The following OPCML variants were observed in gnomAD, a reference collection of about 807,000 sequenced individuals.
OPCML encodes the protein opioid-binding protein/cell adhesion molecule.
In OPCML, 13 loss-of-function variants were observed where a neutral mutation model predicts 37.8. The observed-to-expected ratio is 0.34, with a 90% CI of 0.22 to 0.55. The LOEUF (loss-of-function observed/expected upper bound fraction) is 0.55. Ranked by LOEUF, OPCML falls within the 20% of genes least tolerant of loss-of-function variation. The pLI, the probability that OPCML is intolerant of heterozygous loss-of-function variation, is 0.91. For synonymous variants in OPCML, 176 were observed against 168.8 expected, an observed-to-expected ratio of 1.04 and a Z score of -0.33; for missense variants, 341 against 435.6, an observed-to-expected ratio of 0.78 and a Z score of 1.93.
At chr11:132,715,711 C>T (rs1944447965) in intron 2 of OPCML, among the ~76,000 whole-genome samples, 1 of 152,150 alleles carries the variant, frequency 6.6e-6, no homozygotes, top group African/African-American at 2.4e-5. Context: ...CACTAGCACC[C>T]TGGTTTTGGA....
chr11:132,838,525 GAACT>G (rs1309903575), intron 2 of OPCML, among the ~76,000 whole-genome samples: 1 of 152,194 alleles, frequency 6.6e-6, no homozygotes, highest in African/African-American at 2.4e-5. Flanking sequence ...GTTGGAGACA[GAACT>G]AACAGTTGTG....
chr11:132,865,459 C>T (rs1303581937), intron 2 of OPCML, among the ~76,000 whole-genome samples: 1 of 152,168 alleles, frequency 6.6e-6, no homozygotes, highest in Non-Finnish European at 1.5e-5. Context: ...CTCAGCCCAA[C>T]AGAGGAAACA....
chr11:133,358,730 C>A (rs1944347232), intron 1 of OPCML, among the ~76,000 whole-genome samples: 1 of 152,124 alleles, frequency 6.6e-6, no homozygotes. Context: ...GGCTGACGGG[C>A]AGTGCTATTT....
At chr11:132,942,871 C>T in intron 2 of OPCML, 55 bp downstream of exon 2, 1 of 1,605,888 alleles carries the variant, frequency 6.2e-7, no homozygotes, top group Non-Finnish European at 8.5e-7. Flanking sequence ...CTTCCCTCCT[C>T]TCCCCAGCGA....
chr11:132,541,685 G>A (rs747884106), intron 3 of OPCML, among the ~76,000 whole-genome samples: 1 of 152,090 alleles, frequency 6.6e-6, no homozygotes, highest in Non-Finnish European at 1.5e-5. Context: ...AGCAGAGAGG[G>A]GTTAAATAAC....
At chr11:133,055,333 C>T (rs1036845124) in intron 1 of OPCML, among the ~76,000 whole-genome samples, 5 of 150,708 alleles carry the variant, frequency 3.3e-5, no homozygotes, top group African/African-American at 1.2e-4. Flanking sequence ...AGTGAGACTC[C>T]ATGAGGGAGC....
At chr11:132,941,988 G>T (rs1176381942) in intron 2 of OPCML, among the ~76,000 whole-genome samples, 1 of 152,146 alleles carries the variant, frequency 6.6e-6, no homozygotes, top group Non-Finnish European at 1.5e-5. Context: ...ATGTTTTATT[G>T]TCACCATAAC....
At position 133,177,850 on chromosome 11, in the gene OPCML, A is replaced by G. The variant is rs1303393936; in HGVS notation, c.62-234840T>C. Among the ~76,000 whole-genome samples the G allele has an allele frequency of 6.6e-6, 1 of 151,786 alleles. No individual in the cohort carries two copies. Among genetic ancestry groups the G allele is most frequent in the Non-Finnish European group, 1.5e-5 (1 of 67,698 alleles). The stretch of plus-strand genomic sequence containing the variant: ...TCAAGATCACTTACTGCAGACTTTC[A>G]TTTACTTCATGAGGAAGAAAGAGAG... On this transcript the variant is annotated intron_variant, in intron 1 of 7. Transcript: ENST00000524381. The surrounding 1 kb of genome is among the most constrained non-coding windows in gnomAD (Gnocchi z 5.0).
intron 2 of OPCML, among the ~76,000 whole-genome samples, chr11:132,816,162 G>A (rs186693967): frequency 3.9e-5 from 6 of 152,308 alleles, no homozygotes; most frequent in African/African-American, 7.2e-5. Flanking sequence ...GAAAAATCAC[G>A]TAGGATGATA....
intron 1 of OPCML, among the ~76,000 whole-genome samples, chr11:133,166,014 T>C (rs1322449663): frequency 6.6e-6 from 1 of 152,246 alleles, no homozygotes; most frequent in Non-Finnish European, 1.5e-5. Flanking sequence ...CTATTCTGTG[T>C]CAACTACTAT....
At chr11:133,517,679 G>A (rs79545152) in intron 1 of OPCML, among the ~76,000 whole-genome samples, 1,546 of 152,324 alleles carry the variant, frequency 0.01, 29 homozygotes, top group African/African-American at 0.035. Context: ...CAAAGCCATC[G>A]GTGCCAGGGT....
rs76064040 is a variant in OPCML at position 132,768,359 on chromosome 11, T to C, written c.147-111040A>G. On this transcript the variant is annotated intron_variant, in intron 2 of 7. Transcript: ENST00000524381. Reference sequence around the variant, plus strand: ...CTCTACATGACACTATCAACTGATATGCAGTAGGACATGGAGTGATTCATT... The same window carrying C: ...CTCTACATGACACTATCAACTGATACGCAGTAGGACATGGAGTGATTCATT... 8.7e-4 allele frequency among the ~76,000 whole-genome samples: 132 copies of C among 152,290 alleles called. No individual in the cohort carries two copies. The East Asian group carries it at 0.021, about 25-fold the overall frequency.
chr11:132,776,211 T>A (rs2136136525), intron 2 of OPCML, among the ~76,000 whole-genome samples: 1 of 152,352 alleles, frequency 6.6e-6, no homozygotes, highest in Non-Finnish European at 1.5e-5. Flanking sequence ...TTATAGGTGT[T>A]GAGTCACCGC....
intron 2 of OPCML, among the ~76,000 whole-genome samples, chr11:132,806,839 A>G (rs1555191890): frequency 6.6e-6 from 1 of 152,194 alleles, no homozygotes; most frequent in Non-Finnish European, 1.5e-5. Context: ...TCACCAATAT[A>G]TACCATTATC....
intron 1 of OPCML, among the ~76,000 whole-genome samples, chr11:133,125,853 G>C (rs1164720590): frequency 7.0e-6 from 1 of 142,824 alleles, no homozygotes; most frequent in Non-Finnish European, 1.5e-5. Flanking sequence ...CATGTATATA[G>C]TATATACACA....
intron 2 of OPCML, among the ~76,000 whole-genome samples, chr11:132,671,332 A>C (rs535453376): frequency 1.3e-5 from 2 of 152,280 alleles, no homozygotes; most frequent in Non-Finnish European, 2.9e-5. Flanking sequence ...ATAAAATAGA[A>C]GGCAGGCAAA....
At chr11:133,140,577 AAAG>A (rs1555102206) in intron 1 of OPCML, among the ~76,000 whole-genome samples, 1 of 85,106 alleles carries the variant, frequency 1.2e-5, no homozygotes, top group African/African-American at 3.7e-5. Context: ...GAAGAAGAAG[AAAG>A]AAGAAAAAAG....
At chr11:132,675,636 T>C (rs141063426) in intron 2 of OPCML, among the ~76,000 whole-genome samples, 227 of 152,298 alleles carry the variant, frequency 1.5e-3, no homozygotes, top group Non-Finnish European at 2.5e-3. Context: ...ACTGTGTTTC[T>C]ATACATTAGC....
intron 1 of OPCML, among the ~76,000 whole-genome samples, chr11:133,083,239 G>T (rs574075115): frequency 8.5e-5 from 13 of 152,298 alleles, no homozygotes; most frequent in African/African-American, 2.6e-4. Flanking sequence ...ACTGAGCGGC[G>T]GGAGCGGGAG....
Sources: allele counts gnomAD v4.1 joint callset (sites outside exome capture counted in the v4.1 genomes callset), GRCh38; gene constraint gnomAD v4.1.1; non-coding constraint Gnocchi (gnomAD v3.1); transcripts MANE v1.5; gene names NCBI Gene and HGNC (gene_info 2026-07-23, HGNC 2026-07-21).